The following STRN variants were observed in gnomAD, a reference collection of about 807,000 sequenced individuals.
The protein encoded by STRN is protein phosphatase 2 regulatory subunit B'''alpha.
In STRN, 53 loss-of-function variants were observed where a neutral mutation model predicts 96.3. That is an observed-to-expected ratio of 0.55 (90% CI 0.44 to 0.69). STRN has a LOEUF of 0.69. Ranked by LOEUF, STRN falls within the 30% of genes least tolerant of loss-of-function variation. The pLI is 0.00. For missense variants in STRN, 987 were observed against 963.9 expected (o/e 1.02, Z -0.32); for synonymous variants, 428 against 355.9 (o/e 1.20, Z -2.28).
intron 1 of STRN, among the ~76,000 whole-genome samples, chr2:36,962,817 C>T (rs1665061869): frequency 6.6e-6 from 1 of 152,144 alleles, no homozygotes; most frequent in African/African-American, 2.4e-5. Flanking sequence ...CTCTCCTTCA[C>T]TATTCTAAAG....
At chr2:36,935,523 C>A (rs1457164642) in intron 1 of STRN, among the ~76,000 whole-genome samples, 3 of 152,178 alleles carry the variant, frequency 2.0e-5, no homozygotes, top group Non-Finnish European at 4.4e-5. Flanking sequence ...AGAATGTTCA[C>A]AATTTATCTC....
At chr2:36,887,266 A>AAAT (rs1669260656) in intron 7 of STRN, among the ~76,000 whole-genome samples, 3 of 136,440 alleles carry the variant, frequency 2.2e-5, no homozygotes, top group African/African-American at 5.4e-5. Context: ...CATTTCTAGT[A>AAAT]AAATAAATAA....
At position 36,861,366 on chromosome 2, in the gene STRN, AT is replaced by A. The variant is rs1303412342; in HGVS notation, c.1548-114del. The A allele has an allele frequency of 2.9e-6, 4 of 1,363,026 alleles. No individual in the cohort carries two copies. In the African/African-American group the frequency reaches 5.9e-5, roughly 20 times the overall value. The allele number at this position is 1,363,026 out of a possible 1,614,324, so 84.4% of individuals were successfully genotyped here. A position where few individuals can be genotyped will look rare whatever the true frequency, so the allele number is the denominator to read the frequency against. On this transcript the variant is annotated intron_variant, in intron 12 of 17. Coordinates refer to ENST00000263918, the MANE Select transcript of STRN (RefSeq NM_003162.4). ...CCAAATGGCTATTTTTCTGCTTTTT[AT>A]AAAAAATGAAAACACAGGTACTATC...
rs560846144 is a variant in STRN at position 36,840,125 on chromosome 2, C to G, written c.*9331G>C. 5 of 152,348 alleles carry G rather than the reference C, an allele frequency of 3.3e-5. No homozygotes were observed. The South Asian group carries it at 1.0e-3, about 32-fold the overall frequency. The allele number at this position is 152,348 out of a possible 1,614,324, so 9.4% of individuals were successfully genotyped here. On this transcript the variant is annotated 3_prime_UTR_variant, in exon 18 of 18. Transcript: ENST00000263918. ...ATTCCACTGGGAGGTTCGTCTTTCT[C>G]CTGGACAACAGCAGTCAGTAGGGCC...
intron 1 of STRN, among the ~76,000 whole-genome samples, chr2:36,950,213 G>GTTTTTTTTTTTTT (rs745506504): frequency 9.2e-6 from 1 of 109,032 alleles, no homozygotes; most frequent in African/African-American, 3.5e-5. Flanking sequence ...GTTTGGTTTT[G>GTTTTTTTTTTTTT]TTTTTTTTTT....
At chr2:36,965,490 A>C (rs1447983931) in intron 1 of STRN, among the ~76,000 whole-genome samples, 2 of 152,294 alleles carry the variant, frequency 1.3e-5, no homozygotes, top group African/African-American at 4.8e-5. Context: ...GCACAAGAAA[A>C]TCTCCCAAAA....
At position 36,877,966 on chromosome 2, in the gene STRN, G is replaced by A. The variant is rs778207527; in HGVS notation, c.1248C>T (p.Ala416=). The stretch of plus-strand genomic sequence containing the variant: ...CTCCAAGTCCCAGTTCACTTTCAAG[G>A]GCTTCATCTGCTCCCATGATGAATG... ...GKSFIMGADE[A]LESELGLGEL... Residue 416 remains alanine, a synonymous_variant, in exon 10 of 18, where the codon GCC becomes GCT. Transcript: ENST00000263918. The A allele has an allele frequency of 8.1e-6, 13 of 1,614,106 alleles. No individual in the cohort carries two copies. The East Asian group carries it at 2.5e-4, about 30-fold the overall frequency.
intron 1 of STRN, among the ~76,000 whole-genome samples, 186 bp downstream of exon 1, chr2:36,966,043 AG>A (rs1665150602): frequency 6.9e-6 from 1 of 145,784 alleles, no homozygotes; most frequent in Non-Finnish European, 1.5e-5. Flanking sequence ...GAGTGAGAAC[AG>A]GGTCGAGGTG....
At chr2:36,902,504 G>A in intron 5 of STRN, 80 bp downstream of exon 5, 1 of 1,141,788 alleles carries the variant, frequency 8.8e-7, no homozygotes. Context: ...CTACCTAAAA[G>A]TACAAGTAAT....
At chr2:36,907,420 A>G (rs1669851857) in intron 3 of STRN, among the ~76,000 whole-genome samples, 1 of 152,050 alleles carries the variant, frequency 6.6e-6, no homozygotes, top group Admixed American at 6.6e-5. Context: ...GTGGTGGCAC[A>G]TGCCTGTTTC....
chr2:36,886,703 G>C lies in STRN; in HGVS notation c.1042+13C>G. 1 of 1,592,148 alleles carries C rather than the reference G, an allele frequency of 6.3e-7. No individual in the cohort carries two copies. Among genetic ancestry groups the C allele is most frequent in the Non-Finnish European group, 8.6e-7 (1 of 1,166,172 alleles). Reference sequence around the variant, plus strand: ...AAGATTTATGATTTACAGATACAATGTTTTCCACTTACTCTTCACCCCCTT... The same window carrying C: ...AAGATTTATGATTTACAGATACAATCTTTTCCACTTACTCTTCACCCCCTT... On this transcript the variant is annotated intron_variant, in intron 8 of 17. Transcript: ENST00000263918.
At position 36,869,562 on chromosome 2, in the gene STRN, T is replaced by G; in HGVS notation, c.1491A>C (p.Pro497=). The G allele has an allele frequency of 6.5e-7, 1 of 1,545,780 alleles. No individual in the cohort carries two copies. The highest frequency in any genetic ancestry group is 1.4e-5 in the African/African-American group (1 of 72,454). ...AAGTAGAATATTCTCACTTTTTGGC[T>G]GGGGCTGTTTTCTGTAAATTCCACA... ...LKMWNLQKTA[P]AKKSTSLDVE... Residue 497 remains proline, a synonymous_variant, in exon 11 of 18, where the codon CCA becomes CCC. Transcript: ENST00000263918.
intron 3 of STRN, among the ~76,000 whole-genome samples, chr2:36,914,317 A>G (rs1670036334): frequency 6.6e-6 from 1 of 152,212 alleles, no homozygotes; most frequent in Non-Finnish European, 1.5e-5. Context: ...TAAAAAATAT[A>G]TTGCATCTAG....
intron 8 of STRN, among the ~76,000 whole-genome samples, chr2:36,884,454 T>C (rs1399390550): frequency 6.6e-6 from 1 of 152,192 alleles, no homozygotes; most frequent in Non-Finnish European, 1.5e-5. Flanking sequence ...TTAAGTTGCA[T>C]TAATTGCCTT....
chr2:36,855,420 G>C (rs954770850), intron 14 of STRN, 68 bp from the exon 15 acceptor site: 5 of 1,530,048 alleles, frequency 3.3e-6, no homozygotes, highest in Middle Eastern at 1.7e-4. Flanking sequence ...TTAAAATAGA[G>C]CAAAACAAAA....
chr2:36,850,343 G>T (rs1052242459), intron 16 of STRN, among the ~76,000 whole-genome samples: 20 of 152,180 alleles, frequency 1.3e-4, no homozygotes, highest in Non-Finnish European at 2.6e-4. Context: ...GGTAAATATG[G>T]CAGCTAATAT....
rs1668141073 is a variant in STRN, at chr2:36,848,640, A to G, written c.*816T>C. 6.6e-6 allele frequency: 1 copy of G among 152,226 alleles called. No homozygotes were observed. The highest frequency in any genetic ancestry group is 1.5e-5 in the Non-Finnish European group (1 of 68,042). The allele number at this position is 152,226 out of a possible 1,614,324, so 9.4% of individuals were successfully genotyped here. ...TTAAAATAGAAATTATTAAAGAGAT[A>G]TGCCCTGTTTACCCTTAAAAATAAA... On this transcript the variant is annotated 3_prime_UTR_variant, in exon 18 of 18. Transcript: ENST00000263918.
chr2:36,956,626 TC>T (rs1664894958), intron 1 of STRN, among the ~76,000 whole-genome samples: 1 of 152,244 alleles, frequency 6.6e-6, no homozygotes, highest in African/African-American at 2.4e-5. Context: ...ATCTGAACTT[TC>T]AAACACCTTT....
intron 10 of STRN, among the ~76,000 whole-genome samples, chr2:36,875,690 T>A (rs1227305460): frequency 6.8e-6 from 1 of 147,064 alleles, no homozygotes; most frequent in Non-Finnish European, 1.5e-5. Context: ...GGAGTCTCGC[T>A]CTATCGCCCG....
Sources: allele counts gnomAD v4.1 joint callset (sites outside exome capture counted in the v4.1 genomes callset), GRCh38; gene constraint gnomAD v4.1.1; transcripts MANE v1.5; gene names NCBI Gene and HGNC (gene_info 2026-07-23, HGNC 2026-07-21).